CAST: variants seen among roughly 807,000 people sequenced by gnomAD.
The protein encoded by CAST is MIR583 host.
A neutral mutation model predicts 119.6 loss-of-function variants in CAST; 76 were observed. That is an observed-to-expected ratio of 0.64 (90% CI 0.53 to 0.77). The LOEUF (loss-of-function observed/expected upper bound fraction) is 0.77, where lower values mean the gene tolerates loss of function less well. CAST is among the 30% of genes least tolerant of loss of function. The pLI, the probability that CAST is intolerant of heterozygous loss-of-function variation, is 0.00. For missense variants in CAST, 953 were observed against 946.5 expected (o/e 1.01, Z -0.09); for synonymous variants, 319 against 331.6 (o/e 0.96, Z 0.41).
At chr5:96,272,908 C>A in the CAST span, among the ~76,000 whole-genome samples, 1 of 152,064 alleles carries the variant, frequency 6.6e-6, no homozygotes, top group South Asian at 2.1e-4. Flanking sequence ...AAGAGAATGA[C>A]TTTCTGCCAA....
chr5:96,382,466 C>A, the CAST span, among the ~76,000 whole-genome samples: 4 of 152,178 alleles, frequency 2.6e-5, no homozygotes, highest in African/African-American at 9.7e-5. Context: ...AGCTATTATT[C>A]TTCTCTGCTT....
chr5:96,202,568 TAGCAA>T, the CAST span, among the ~76,000 whole-genome samples: 3 of 152,086 alleles, frequency 2.0e-5, no homozygotes, highest in Non-Finnish European at 2.9e-5. Flanking sequence ...AAATACAAAT[TAGCAA>T]AACAAAACAA....
At chr5:96,053,416 T>C in the CAST span, among the ~76,000 whole-genome samples, 13 of 152,204 alleles carry the variant, frequency 8.5e-5, no homozygotes, top group Admixed American at 4.6e-4. Context: ...TCCTAAAAGT[T>C]TTGTGAGTTT....
upstream of CAST, among the ~76,000 whole-genome samples, chr5:96,529,099 ACT>A (rs1212275993): frequency 6.6e-6 from 1 of 150,592 alleles, no homozygotes; most frequent in Admixed American, 6.6e-5. Context: ...TTTGCAGGAA[ACT>A]CTTGCCTCTT....
chr5:96,733,836 C>A (rs181953235), intron 9 of CAST, among the ~76,000 whole-genome samples: 1 of 152,084 alleles, frequency 6.6e-6, no homozygotes, highest in African/African-American at 2.4e-5. Context: ...AAGATCGCAC[C>A]GTTGCACTCC....
At chr5:96,463,944 G>A in the CAST span, among the ~76,000 whole-genome samples, 1 of 152,074 alleles carries the variant, frequency 6.6e-6, no homozygotes, top group Non-Finnish European at 1.5e-5. Context: ...AACAGATAAA[G>A]TGAGTCAGAA....
the CAST span, among the ~76,000 whole-genome samples, chr5:95,974,947 G>A: frequency 2.6e-5 from 4 of 152,140 alleles, no homozygotes; most frequent in Non-Finnish European, 5.9e-5. Flanking sequence ...AGTTGCACAT[G>A]GAATAACAAT....
the CAST span, among the ~76,000 whole-genome samples, chr5:96,042,205 C>T: frequency 6.6e-6 from 1 of 152,100 alleles, no homozygotes; most frequent in Non-Finnish European, 1.5e-5. Flanking sequence ...AGCTGTGGGA[C>T]ATTATAGAGC....
the CAST span, among the ~76,000 whole-genome samples, chr5:96,436,310 T>A: frequency 9.2e-5 from 14 of 152,216 alleles, no homozygotes; most frequent in African/African-American, 3.4e-4. Context: ...GACATCTGTA[T>A]GGAGCTGGGT....
At chr5:96,393,322 G>A in the CAST span, 1 of 1,614,132 alleles carries the variant, frequency 6.2e-7, no homozygotes, top group Admixed American at 1.7e-5. Context: ...CGCTGCTGCT[G>A]CTGGGGCTTT....
At chr5:95,978,562 T>C in the CAST span, among the ~76,000 whole-genome samples, 3 of 152,180 alleles carry the variant, frequency 2.0e-5, no homozygotes, top group Non-Finnish European at 4.4e-5. Flanking sequence ...GTCAGATGCA[T>C]AGTTTGCAAA....
the CAST span, among the ~76,000 whole-genome samples, chr5:96,051,045 A>G: frequency 6.6e-6 from 1 of 152,134 alleles, no homozygotes; most frequent in Non-Finnish European, 1.5e-5. Flanking sequence ...CTTGGGCCCT[A>G]TTCTAAATTA....
intron 11 of CAST, among the ~76,000 whole-genome samples, chr5:96,739,224 A>C (rs1239236665): frequency 6.6e-6 from 1 of 152,226 alleles, no homozygotes; most frequent in Non-Finnish European, 1.5e-5. Context: ...GTGGGTGTTC[A>C]TGATGAACAT....
intron 20 of CAST, among the ~76,000 whole-genome samples, chr5:96,752,562 ATTTTTTTTTTTT>A (rs869108023): frequency 6.2e-5 from 1 of 16,136 alleles, no homozygotes; most frequent in Non-Finnish European, 1.1e-4. Flanking sequence ...AACCTCAGGG[ATTTTTTTTTTTT>A]TTTTTTTTTT....
At chr5:96,753,034 T>C (rs945891988) in intron 20 of CAST, among the ~76,000 whole-genome samples, 1 of 151,030 alleles carries the variant, frequency 6.6e-6, no homozygotes, top group Admixed American at 6.6e-5. Context: ...CGTTCTGTCA[T>C]CCAGGTTGGA....
chr5:96,568,458 G>A (rs1047809775), intron 1 of CAST, among the ~76,000 whole-genome samples: 1 of 150,408 alleles, frequency 6.6e-6, no homozygotes, highest in African/African-American at 2.4e-5. Flanking sequence ...CCAGCTACTT[G>A]GGAGGCTAAG....
At position 96,742,684 on chromosome 5, in the gene CAST, T is replaced by A; in HGVS notation, c.1128T>A (p.Ala376=). Residue 376 remains alanine (A), a synonymous_variant, in exon 16 of 32, where the codon GCT becomes GCA. Coordinates refer to ENST00000675179, the MANE Select transcript of CAST (RefSeq NM_001750.7). The part of the protein sequence containing the change: ...KDTMSDQALE[A]LSASLGTRQA... The stretch of plus-strand genomic sequence containing the variant: ...CAATGAGTGATCAAGCACTCGAGGC[T>A]CTGTCGGCTTCACTGGGCACCCGGC... 6.2e-7 allele frequency: 1 copy of A among 1,613,840 alleles called. No homozygotes were observed. Among genetic ancestry groups the A allele is most frequent in the Non-Finnish European group, 8.5e-7 (1 of 1,179,774 alleles).
intron 1 of CAST, among the ~76,000 whole-genome samples, chr5:96,555,267 G>C (rs1746214360): frequency 6.6e-6 from 1 of 152,200 alleles, no homozygotes; most frequent in Admixed American, 6.5e-5. Flanking sequence ...TGGCTGAATA[G>C]GAACAGCTCC....
chr5:96,736,017 A>G (rs941294519), intron 9 of CAST, among the ~76,000 whole-genome samples, 155 bp from the exon 10 acceptor site: 1 of 152,238 alleles, frequency 6.6e-6, no homozygotes, highest in Non-Finnish European at 1.5e-5. Flanking sequence ...CCTTCTGAAA[A>G]AGGATATAAA....
Sources: gnomAD v4.1 joint callset for allele counts (sites outside exome capture counted in the v4.1 genomes callset) on GRCh38, gnomAD v4.1.1 for gene constraint, MANE v1.5 for transcripts, NCBI Gene and HGNC (gene_info 2026-07-23, HGNC 2026-07-21) for gene names.